Variants in ADGRL2 observed in about 807,000 individuals in gnomAD.
ADGRL2 encodes the protein adhesion G protein-coupled receptor L2.
ADGRL2 carries 44 observed loss-of-function variants against 157.4 expected under a neutral mutation model. That is an observed-to-expected ratio of 0.28 (90% confidence interval 0.22 to 0.36). The LOEUF (loss-of-function observed/expected upper bound fraction) is 0.36, where lower values mean the gene tolerates loss of function less well. Ranked by LOEUF, ADGRL2 falls within the 10% of genes least tolerant of loss-of-function variation. The pLI, the probability that ADGRL2 is intolerant of heterozygous loss-of-function variation, is 1.00. For missense variants in ADGRL2, 1,510 were observed against 1,768.9 expected (o/e 0.85, Z 2.63); for synonymous variants, 585 against 624.7 (o/e 0.94, Z 0.95).
intron 2 of ADGRL2, among the ~76,000 whole-genome samples, chr1:81,500,769 A>T (rs1415919811): frequency 6.6e-6 from 1 of 152,240 alleles, no homozygotes; most frequent in Non-Finnish European, 1.5e-5. Context: ...GAATGTACTT[A>T]AGTAAATGTA....
In ADGRL2 at chr1:81,989,565, T is replaced by C. The variant is rs1053880030; in HGVS notation, c.3656-826T>C. 19 of 922,488 alleles carry C rather than the reference T, an allele frequency of 2.1e-5. No individual in the cohort carries two copies. In the Middle Eastern group the frequency reaches 1.2e-3, roughly 57 times the overall value. 57.1% of individuals were successfully genotyped at this position (922,488 alleles called of 1,614,324 possible). On this transcript the variant is annotated intron_variant, in intron 23 of 23. Coordinates refer to ENST00000686636, the MANE Select transcript of ADGRL2 (RefSeq NM_001366006.2). ...AGGCTGCTATTGCTGGTAATCTAATTTGTTGAACCCTTGCTCTGACTAAGT... is the reference window on the plus strand; with the variant it reads ...AGGCTGCTATTGCTGGTAATCTAATCTGTTGAACCCTTGCTCTGACTAAGT...
rs190852733 is a variant in ADGRL2 at position 81,546,414 on chromosome 1, G to A, written c.-247-34462G>A. ...ATTAGATAGTTAATTTGGATCTAAA[G>A]AGTTATTAGTCAAAATACCCTGTGA... On this transcript the variant is annotated intron_variant, in intron 2 of 24. Coordinates refer to the ADGRL2 transcript ENST00000370721. 5.9e-4 allele frequency among the ~76,000 whole-genome samples: 90 copies of A among 152,272 alleles called. 2 individuals are homozygous for A. The East Asian group carries it at 0.017, about 28-fold the overall frequency.
At chr1:81,785,591 G>A (rs1003737395) in intron 2 of ADGRL2, among the ~76,000 whole-genome samples, 2 of 151,980 alleles carry the variant, frequency 1.3e-5, no homozygotes, top group Non-Finnish European at 2.9e-5. Flanking sequence ...AGCTGGGCAT[G>A]ATGGTGCGCA....
intron 2 of ADGRL2, among the ~76,000 whole-genome samples, chr1:81,455,045 T>C (rs1429862596): frequency 6.6e-6 from 1 of 152,196 alleles, no homozygotes; most frequent in Non-Finnish European, 1.5e-5. Context: ...TCCCTCTTGC[T>C]CCTCATTCTC....
chr1:81,515,716 T>C (rs1007557522), intron 2 of ADGRL2, among the ~76,000 whole-genome samples: 1 of 152,204 alleles, frequency 6.6e-6, no homozygotes, highest in Non-Finnish European at 1.5e-5. Flanking sequence ...TAAAGATAAC[T>C]GCTATTTACA....
chr1:81,507,598 G>A (rs79689890), intron 2 of ADGRL2, among the ~76,000 whole-genome samples: 1,531 of 152,196 alleles, frequency 0.01, 37 homozygotes, highest in African/African-American at 0.035. Context: ...GCAAGGGAGC[G>A]GCTGGTCATA....
chr1:81,801,641 C>T (rs1194369441), intron 1 of ADGRL2, among the ~76,000 whole-genome samples: 1 of 152,188 alleles, frequency 6.6e-6, no homozygotes, highest in Non-Finnish European at 1.5e-5. Context: ...CAGCCCCGGC[C>T]GGGAGATCCG....
chr1:81,383,516 A>G (rs981824036), intron 1 of ADGRL2, among the ~76,000 whole-genome samples: 3 of 152,108 alleles, frequency 2.0e-5, no homozygotes, highest in Admixed American at 1.3e-4. Context: ...GAGTTTGTCA[A>G]AAAAGCTCAA....
chr1:81,944,591 A>G (rs924005417), intron 6 of ADGRL2, among the ~76,000 whole-genome samples: 2 of 152,100 alleles, frequency 1.3e-5, no homozygotes, highest in African/African-American at 4.8e-5. Flanking sequence ...ATGTATTATT[A>G]TAGAGCTTGC....
At chr1:81,705,711 G>A (rs2083711156) in intron 1 of ADGRL2, among the ~76,000 whole-genome samples, 4 of 151,512 alleles carry the variant, frequency 2.6e-5, no homozygotes, top group Admixed American at 2.6e-4. Flanking sequence ...GAGGCCAGGA[G>A]TTTGAGACTG....
At chr1:81,461,184 G>A (rs1294844726) in intron 2 of ADGRL2, among the ~76,000 whole-genome samples, 2 of 152,066 alleles carry the variant, frequency 1.3e-5, no homozygotes, top group African/African-American at 2.4e-5. Flanking sequence ...GTTTTTAAAG[G>A]AGAAATGAAG....
chr1:81,644,812 T>C (rs187279992), intron 3 of ADGRL2, among the ~76,000 whole-genome samples: 105 of 152,274 alleles, frequency 6.9e-4, no homozygotes, highest in African/African-American at 2.5e-3. Flanking sequence ...TATAGGAAGG[T>C]ATATGTAAAA....
At chr1:81,988,460 A>C (rs1343229714) in intron 23 of ADGRL2, 1 of 143,632 alleles carries the variant, frequency 7.0e-6, no homozygotes, top group Non-Finnish European at 1.5e-5. Flanking sequence ...TTTAAGTGCG[A>C]AATGGTTTTT....
At chr1:81,587,804 C>T (rs995702427) in intron 3 of ADGRL2, among the ~76,000 whole-genome samples, 1 of 151,982 alleles carries the variant, frequency 6.6e-6, no homozygotes, top group Non-Finnish European at 1.5e-5. Context: ...AAAATGTGAG[C>T]CTTTGCTGTG....
chr1:81,626,367 G>A (rs1405895070), intron 3 of ADGRL2, among the ~76,000 whole-genome samples: 1 of 152,156 alleles, frequency 6.6e-6, no homozygotes, highest in Non-Finnish European at 1.5e-5. Flanking sequence ...GTGCAGAGGT[G>A]CGATCTCAGC....
chr1:81,986,785 A>G (rs937102176), intron 21 of ADGRL2, 116 bp from the exon 22 acceptor site: 8 of 986,368 alleles, frequency 8.1e-6, no homozygotes, highest in Non-Finnish European at 1.2e-5. Context: ...TCCATTGCCA[A>G]CTTGTCCACT....
chr1:81,716,435 C>T (rs1477793185), intron 1 of ADGRL2, among the ~76,000 whole-genome samples: 1 of 152,130 alleles, frequency 6.6e-6, no homozygotes. Flanking sequence ...AGTTTGTGTT[C>T]TTTCATTGAG....
intron 3 of ADGRL2, among the ~76,000 whole-genome samples, chr1:81,634,400 T>G (rs1171040564): frequency 6.6e-6 from 1 of 152,060 alleles, no homozygotes; most frequent in East Asian, 1.9e-4. Flanking sequence ...CAAGTGGACT[T>G]TAAAAAGGCA....
chr1:81,837,411 T>TA (rs1056524656), intron 2 of ADGRL2, among the ~76,000 whole-genome samples: 1 of 151,986 alleles, frequency 6.6e-6, no homozygotes, highest in Non-Finnish European at 1.5e-5. Context: ...CATCTTTAGT[T>TA]ACATTTGCTT....
Sources: gnomAD v4.1 joint callset for allele counts (sites outside exome capture counted in the v4.1 genomes callset) on GRCh38, gnomAD v4.1.1 for gene constraint, MANE v1.5 for transcripts, NCBI Gene and HGNC (gene_info 2026-07-23, HGNC 2026-07-21) for gene names.